The following LGSN variants were observed in gnomAD, a reference collection of about 807,000 sequenced individuals.
LGSN encodes lengsin.
A neutral mutation model predicts 19.5 loss-of-function variants in LGSN; 21 were observed. That is an observed-to-expected ratio of 1.07 (90% CI 0.76 to 1.55). The LOEUF is 1.55. Ranked by LOEUF, LGSN falls within the 40% of genes most tolerant of loss-of-function variation. The pLI, the probability that LGSN is intolerant of heterozygous loss-of-function variation, is 0.00. For missense variants in LGSN, 673 were observed against 608.5 expected (o/e 1.11, Z -1.12); for synonymous variants, 257 against 215.6 (o/e 1.19, Z -1.68).
At chr6:63,543,209 G>A in the LGSN span, among the ~76,000 whole-genome samples, 1 of 152,166 alleles carries the variant, frequency 6.6e-6, no homozygotes, top group South Asian at 2.1e-4. Context: ...ACTTGTCCCT[G>A]TTTTAAAACT....
At chr6:63,336,561 G>GTGTA in the LGSN span, among the ~76,000 whole-genome samples, 384 of 127,566 alleles carry the variant, frequency 3.0e-3, 1 homozygote, top group Middle Eastern at 8.3e-3. Context: ...GTGTGTGTGT[G>GTGTA]TATATATATA....
At chr6:63,573,396 G>C in the LGSN span, 1 of 152,404 alleles carries the variant, frequency 6.6e-6, no homozygotes, top group African/African-American at 2.4e-5. Context: ...ACTGGGTGCA[G>C]CTACACTCTT....
rs763372854 is a variant in LGSN, at chr6:63,295,055, A to G, written c.31-10T>C. 69 of 1,611,172 alleles carry G rather than the reference A, an allele frequency of 4.3e-5. No individual in the cohort carries two copies. Among genetic ancestry groups the G allele is most frequent in the Non-Finnish European group, 1.1e-5 (13 of 1,178,164 alleles). On this transcript the variant is annotated splice_polypyrimidine_tract_variant and intron_variant, in intron 1 of 3. Coordinates refer to ENST00000370657, the MANE Select transcript of LGSN (RefSeq NM_016571.3). ...CATCTCTTGTTGAGTCCTGTTGATA[A>G]TTAATAAACAAAAAGCCAAATAACA...
the LGSN span, among the ~76,000 whole-genome samples, chr6:63,447,251 A>G: frequency 1.3e-5 from 2 of 152,300 alleles, no homozygotes; most frequent in African/African-American, 4.8e-5. Context: ...GAGGGCTGGC[A>G]TGTCTCTACC....
At chr6:63,346,377 G>C in the LGSN span, among the ~76,000 whole-genome samples, 1 of 151,608 alleles carries the variant, frequency 6.6e-6, no homozygotes, top group South Asian at 2.1e-4. Flanking sequence ...AAAAGCTTCC[G>C]TAAAAATCCC....
At chr6:63,419,880 C>CAAAAAA in the LGSN span, among the ~76,000 whole-genome samples, 2 of 57,342 alleles carry the variant, frequency 3.5e-5, no homozygotes, top group South Asian at 6.7e-4. Context: ...AACTCCCTCC[C>CAAAAAA]AAAAAAAAAA....
At chr6:63,472,371 A>C in the LGSN span, among the ~76,000 whole-genome samples, 1 of 152,320 alleles carries the variant, frequency 6.6e-6, no homozygotes. Context: ...AAATAAATGA[A>C]GATTCTGAGG....
the LGSN span, among the ~76,000 whole-genome samples, chr6:63,560,601 G>A: frequency 5.9e-5 from 9 of 151,800 alleles, no homozygotes; most frequent in African/African-American, 1.2e-4. Context: ...ATGGGTTTTC[G>A]CCATGTTGGC....
At chr6:63,456,730 T>C in the LGSN span, among the ~76,000 whole-genome samples, 1 of 152,096 alleles carries the variant, frequency 6.6e-6, no homozygotes, top group Non-Finnish European at 1.5e-5. Context: ...AGACTGAAAA[T>C]TCTGGCACTG....
chr6:63,421,615 C>T, the LGSN span, among the ~76,000 whole-genome samples: 1 of 152,066 alleles, frequency 6.6e-6, no homozygotes, highest in East Asian at 1.9e-4. Context: ...GTAGTCCCAG[C>T]TATTCAGGAG....
the LGSN span, among the ~76,000 whole-genome samples, chr6:63,456,390 T>TATATATATATATAC: frequency 8.0e-6 from 1 of 125,266 alleles, no homozygotes; most frequent in Non-Finnish European, 1.6e-5. Context: ...TATATATATA[T>TATATATATATATAC]ATACTTTTTT....
At chr6:63,456,057 G>A in the LGSN span, among the ~76,000 whole-genome samples, 36,976 of 150,808 alleles carry the variant, frequency 0.25, 5,347 homozygotes, top group Admixed American at 0.34. Flanking sequence ...GTGAAACCCC[G>A]TCTCTACTAA....
rs1476058013 is a variant in LGSN at position 63,280,443 on chromosome 6, A to T, written c.1108T>A (p.Ser370Thr). Residue 370 changes from serine to threonine, a missense_variant, in exon 4 of 4, where the codon TCC becomes ACC. By Grantham distance (58) the Ser-to-Thr change is moderately conservative (BLOSUM62 1). Transcript: ENST00000370657. The stretch of plus-strand genomic sequence containing the variant: ...TTCTTCAGGTCTTTCCTGTCCTTGG[A>T]ATAACGCTTTCGGCAGCTAACAGAA... The part of the protein sequence containing the change: ...APSVSCRKRY[S>T]KDRKDLKKSV... The T allele has an allele frequency of 6.2e-7, 1 of 1,614,040 alleles. No homozygotes were observed. Among genetic ancestry groups the T allele is most frequent in the Non-Finnish European group, 8.5e-7 (1 of 1,180,044 alleles).
the LGSN span, among the ~76,000 whole-genome samples, chr6:63,449,889 A>T: frequency 1.3e-5 from 2 of 152,342 alleles, no homozygotes; most frequent in East Asian, 1.9e-4. Context: ...GAGCTGTCAC[A>T]TAATAACATA....
At chr6:63,395,195 A>G in the LGSN span, 1 of 152,252 alleles carries the variant, frequency 6.6e-6, no homozygotes, top group African/African-American at 2.4e-5. Flanking sequence ...AAGCTGTTTC[A>G]AAGACTGCTC....
the LGSN span, among the ~76,000 whole-genome samples, chr6:63,425,758 G>A: frequency 6.6e-6 from 1 of 151,922 alleles, no homozygotes; most frequent in Admixed American, 6.6e-5. Flanking sequence ...GATTGCTTCA[G>A]TCCAAAAATT....
the LGSN span, among the ~76,000 whole-genome samples, chr6:63,508,720 C>T: frequency 6.6e-6 from 1 of 151,784 alleles, no homozygotes; most frequent in Non-Finnish European, 1.5e-5. Context: ...AGTTCGAGAC[C>T]AGCCTGACCA....
the LGSN span, among the ~76,000 whole-genome samples, chr6:63,497,393 A>T: frequency 6.6e-6 from 1 of 152,054 alleles, no homozygotes; most frequent in Non-Finnish European, 1.5e-5. Flanking sequence ...TACTAACAAT[A>T]CAAAAATTAG....
chr6:63,513,473 C>T, the LGSN span, among the ~76,000 whole-genome samples: 1 of 152,014 alleles, frequency 6.6e-6, no homozygotes, highest in Non-Finnish European at 1.5e-5. Flanking sequence ...CAATGTTTGC[C>T]GTAGTCCCCT....
Sources: gnomAD v4.1 joint callset for allele counts (sites outside exome capture counted in the v4.1 genomes callset) on GRCh38, gnomAD v4.1.1 for gene constraint, MANE v1.5 for transcripts, NCBI Gene and HGNC (gene_info 2026-07-23, HGNC 2026-07-21) for gene names.